Variants in ATAD2 observed in about 807,000 individuals in gnomAD.
ATAD2 encodes the protein ATPase family AAA domain containing 2.
Under a neutral mutation model 168.9 loss-of-function variants are expected in ATAD2, and 62 were observed. The ratio of observed to expected loss-of-function variants is 0.37; its 90% confidence interval spans 0.30 to 0.45. The LOEUF is 0.45. Among genes scored for constraint, ATAD2 ranks in the 20% least tolerant of loss-of-function variants. The pLI is 1.00. For synonymous variants in ATAD2, 613 were observed against 571.6 expected (o/e 1.07, Z -1.03); for missense variants, 1,419 against 1,667.8 (o/e 0.85, Z 2.60).
intron 20 of ATAD2, among the ~76,000 whole-genome samples, chr8:123,338,400 A>C (rs1827977074): frequency 1.3e-5 from 2 of 152,144 alleles, no homozygotes. Context: ...TTAAACTTTG[A>C]AATTGCATTA....
chr8:123,378,490 T>C (rs1488341156), intron 2 of ATAD2, among the ~76,000 whole-genome samples: 2 of 151,866 alleles, frequency 1.3e-5, no homozygotes, highest in Admixed American at 6.6e-5. Context: ...TCACCTGAAG[T>C]CAGGAGTTCG....
chr8:123,336,459 T>G lies in ATAD2; in HGVS notation c.3125A>C (p.Lys1042Thr), dbSNP rs1263682216. 6.3e-7 allele frequency: 1 copy of G among 1,577,672 alleles called. No individual in the cohort carries two copies. The highest frequency in any genetic ancestry group is 1.2e-5 in the South Asian group (1 of 84,112). ...CAAATAGTCTTTCACAGTCAGATAC[T>G]TGTGTAGATCAATTTTACTGATTAC... The part of the protein sequence containing the change: ...SSVISKIDLH[K>T]YLTVKDYLRD... The change falls in exon 22 of 28, where the codon AAG becomes ACG. Residue 1042 changes from lysine to threonine, a missense_variant. This residue lies in a region of ATAD2 where 545 missense variants were observed against 724.9 expected (regional missense o/e 0.75). Transcript: ENST00000287394.
chr8:123,413,112 T>C (rs998930773), intron 1 of ATAD2, among the ~76,000 whole-genome samples: 3 of 152,192 alleles, frequency 2.0e-5, no homozygotes, highest in African/African-American at 7.2e-5. Context: ...CCAGTCTCTG[T>C]GGGAGGATAG....
intron 15 of ATAD2, 87 bp from the exon 16 acceptor site, chr8:123,347,493 A>G (rs778769778): frequency 1.5e-6 from 2 of 1,304,164 alleles, no homozygotes; most frequent in African/African-American, 1.5e-5. Flanking sequence ...GGTTAAAAAA[A>G]AAATTAAAAA....
At chr8:123,389,975 T>TATAC (rs146070606) in intron 1 of ATAD2, among the ~76,000 whole-genome samples, 4 of 115,742 alleles carry the variant, frequency 3.5e-5, no homozygotes, top group African/African-American at 1.6e-4. Context: ...TATATATATA[T>TATAC]ATATATATAT....
At chr8:123,330,752 G>C (rs1430336572) in intron 24 of ATAD2, among the ~76,000 whole-genome samples, 1 of 152,074 alleles carries the variant, frequency 6.6e-6, no homozygotes, top group African/African-American at 2.4e-5. Context: ...GTCATATAAT[G>C]ACTTCATTTT....
At position 123,371,042 on chromosome 8, in the gene ATAD2, A is replaced by G. The variant is rs761461721; in HGVS notation, c.640-52T>C. ...AACATTTGGAATCTATTTATTAAAA[A>G]AATTAAGTTGGATCCTCCAATCTTG... On this transcript the variant is annotated intron_variant, in intron 5 of 27. Transcript: ENST00000287394. 2.5e-5 allele frequency: 35 copies of G among 1,385,976 alleles called. No homozygotes were observed. In the African/African-American group the frequency reaches 4.4e-4, roughly 18 times the overall value. The allele number at this position is 1,385,976 out of a possible 1,614,324, so 85.9% of individuals were successfully genotyped here. A position where few individuals can be genotyped will look rare whatever the true frequency, so the allele number is the denominator to read the frequency against.
intron 1 of ATAD2, among the ~76,000 whole-genome samples, chr8:123,410,736 A>G (rs2130049504): frequency 6.6e-6 from 1 of 152,228 alleles, no homozygotes; most frequent in East Asian, 1.9e-4. Context: ...CATGCTTGTT[A>G]CGGCTCAAGC....
In ATAD2 at chr8:123,396,218, T is replaced by C; in HGVS notation, c.140A>G (p.Lys47Arg). 6.3e-7 allele frequency: 1 copy of C among 1,595,804 alleles called. No homozygotes were observed. The highest frequency in any genetic ancestry group is 8.5e-7 in the Non-Finnish European group (1 of 1,174,886). The change falls in exon 1 of 28, where the codon AAG (lysine) becomes AGG (arginine). Residue 47 changes from lysine (K) to arginine (R), a missense_variant. Around this residue, in one of 5 missense-constraint regions of ATAD2, gnomAD observed 419 missense variants for 423.5 expected, o/e 0.99. Coordinates refer to ENST00000287394, the MANE Select transcript of ATAD2 (RefSeq NM_014109.4). ...RRLRSAGAAQ[K>R]KPAATTAKAG... Reference sequence around the variant, plus strand: ...TTTGGCTGTGGTCGCCGCGGGTTTCTTCTGCGCCGCGCCGGCCGAGCGGAG... The same window carrying C: ...TTTGGCTGTGGTCGCCGCGGGTTTCCTCTGCGCCGCGCCGGCCGAGCGGAG...
intron 13 of ATAD2, among the ~76,000 whole-genome samples, chr8:123,349,874 TA>T (rs397891535): frequency 0.033 from 4,498 of 137,014 alleles, 178 homozygotes; most frequent in African/African-American, 0.099. Flanking sequence ...CCATCTCTAT[TA>T]AAAAAAAAAA....
At chr8:123,331,126 AGACG>A (rs1248446305) in intron 24 of ATAD2, among the ~76,000 whole-genome samples, 3 of 152,038 alleles carry the variant, frequency 2.0e-5, no homozygotes, top group Non-Finnish European at 4.4e-5. Context: ...TTTTTAGTAG[AGACG>A]GGGTTTCACC....
intron 7 of ATAD2, 46 bp from the exon 8 acceptor site, chr8:123,369,221 ATG>A: frequency 4.4e-6 from 3 of 687,454 alleles, no homozygotes; most frequent in East Asian, 5.6e-5. Context: ...ATATATATAT[ATG>A]GCATACAAAT....
rs770837258 is a variant in ATAD2 at position 123,339,363 on chromosome 8, T to C, written c.2802A>G (p.Glu934=). Residue 934 remains glutamate, a synonymous_variant, in exon 20 of 28, where the codon GAA becomes GAG. Transcript: ENST00000287394. Reference sequence around the variant, plus strand: ...TAGCAGCTTGTTTTAGAATTAAATCTTCAAAAAATTTTGTCCGTTCTTCTT... The same window carrying C: ...TAGCAGCTTGTTTTAGAATTAAATCCTCAAAAAATTTTGTCCGTTCTTCTT... ...PDKEERTKFF[E]DLILKQAAKP... 6.2e-7 allele frequency: 1 copy of C among 1,601,354 alleles called. No individual in the cohort carries two copies. The highest frequency in any genetic ancestry group is 1.1e-5 in the South Asian group (1 of 89,584).
chr8:123,371,678 A>C lies in ATAD2; in HGVS notation c.528T>G (p.Leu176=). The change falls in exon 4 of 28, where the codon CTT becomes CTG. Residue 176 remains leucine (L), a synonymous_variant. Transcript: ENST00000287394. ...AAGGAATTTTTACTTACTTAGTTAT[A>C]AGTTTGTCAAACAGCATGGACTGGT... ...GVNQSMLFDK[L]ITNTAEAVLQ... 1 of 1,597,310 alleles carries C rather than the reference A, an allele frequency of 6.3e-7. No homozygotes were observed. The highest frequency in any genetic ancestry group is 8.5e-7 in the Non-Finnish European group (1 of 1,175,882).
chr8:123,330,767 T>G (rs1277265520), intron 24 of ATAD2, among the ~76,000 whole-genome samples: 1 of 152,262 alleles, frequency 6.6e-6, no homozygotes. Context: ...CATTTTTTCT[T>G]GAATTGTATT....
chr8:123,338,227 C>T (rs1036473948), intron 20 of ATAD2, among the ~76,000 whole-genome samples: 1 of 151,986 alleles, frequency 6.6e-6, no homozygotes, highest in Non-Finnish European at 1.5e-5. Context: ...TGGTGGCGTG[C>T]GCCTGTAGTC....
chr8:123,364,446 A>G (rs1563851998), intron 8 of ATAD2, among the ~76,000 whole-genome samples: 2 of 152,150 alleles, frequency 1.3e-5, no homozygotes, highest in Non-Finnish European at 2.9e-5. Context: ...TCACCCTAAT[A>G]CCAAAACTAG....
upstream of ATAD2, among the ~76,000 whole-genome samples, chr8:123,399,154 C>T (rs1812965644): frequency 6.6e-6 from 1 of 151,734 alleles, no homozygotes; most frequent in Admixed American, 6.6e-5. Flanking sequence ...CCCAGCTACT[C>T]AGGAGGCTGA....
chr8:123,356,652 AT>A (rs1027047443), intron 12 of ATAD2, among the ~76,000 whole-genome samples, 175 bp from the exon 13 acceptor site: 1,758 of 143,366 alleles, frequency 0.012, 29 homozygotes, highest in African/African-American at 0.037. Context: ...TTTATATATA[AT>A]TTTTTTTTTT....
Sources: allele counts gnomAD v4.1 joint callset (sites outside exome capture counted in the v4.1 genomes callset), GRCh38; gene constraint gnomAD v4.1.1; regional missense constraint gnomAD v4.1.1; transcripts MANE v1.5; gene names NCBI Gene and HGNC (gene_info 2026-07-23, HGNC 2026-07-21).